Variants in DPP10 observed in about 807,000 individuals in gnomAD.
DPP10 encodes dipeptidyl peptidase like 10.
Under a neutral mutation model 120.9 loss-of-function variants are expected in DPP10, and 33 were observed. The ratio of observed to expected loss-of-function variants is 0.27; its 90% CI spans 0.21 to 0.37. The LOEUF (loss-of-function observed/expected upper bound fraction) is 0.37. Among genes scored for constraint, DPP10 ranks in the 10% least tolerant of loss-of-function variants. The pLI, the probability that DPP10 is intolerant of heterozygous loss-of-function variation, is 1.00. For missense variants in DPP10, 816 were observed against 942.8 expected (o/e 0.87, Z 1.76); for synonymous variants, 337 against 326.1 (o/e 1.03, Z -0.36).
chr2:114,868,960 T>C (rs1690457968), intron 1 of DPP10, among the ~76,000 whole-genome samples: 1 of 152,038 alleles, frequency 6.6e-6, no homozygotes, highest in Admixed American at 6.6e-5. Context: ...AATGCCTACC[T>C]CACAAGGGCA....
intron 1 of DPP10, among the ~76,000 whole-genome samples, chr2:115,180,792 A>T (rs1003112766): frequency 7.2e-5 from 11 of 152,192 alleles, no homozygotes; most frequent in African/African-American, 2.4e-4. Flanking sequence ...GGGCATGAAA[A>T]AATGTCCTTT....
At chr2:114,689,074 TC>T (rs1312687536) in intron 1 of DPP10, among the ~76,000 whole-genome samples, 2 of 151,860 alleles carry the variant, frequency 1.3e-5, no homozygotes, top group Non-Finnish European at 2.9e-5. Context: ...AGTTTTTTTT[TC>T]TTCAACTGTT....
rs1479030548 is a variant in DPP10 at position 114,726,434 on chromosome 2, C to A, written c.60+283596C>A. 1.6e-4 allele frequency among the ~76,000 whole-genome samples: 24 copies of A among 152,100 alleles called. 1 individual carries two copies. Among genetic ancestry groups the A allele is most frequent in the Admixed American group, 1.6e-3 (24 of 15,270 alleles). On this transcript the variant is annotated intron_variant, in intron 1 of 25. Coordinates refer to ENST00000410059, the MANE Select transcript of DPP10 (RefSeq NM_020868.6). Reference sequence around the variant, plus strand: ...CACACTTTTATTCGTTGTGGAATGACACTTTTAATATTTCTTTTGTAGAAG... The same window carrying A: ...CACACTTTTATTCGTTGTGGAATGAAACTTTTAATATTTCTTTTGTAGAAG...
intron 5 of DPP10, among the ~76,000 whole-genome samples, chr2:115,624,901 G>GA (rs2149295066): frequency 6.6e-6 from 1 of 152,090 alleles, no homozygotes; most frequent in African/African-American, 2.4e-5. Context: ...TGATCATAAG[G>GA]AAAAAAGTGG....
intron 1 of DPP10, among the ~76,000 whole-genome samples, chr2:114,935,779 C>A (rs535807657): frequency 1.3e-5 from 2 of 152,022 alleles, no homozygotes; most frequent in African/African-American, 4.8e-5. Flanking sequence ...GAGGATCTAT[C>A]TTTTAAACAA....
chr2:115,049,510 C>G (rs1509745), intron 1 of DPP10, among the ~76,000 whole-genome samples: 147,376 of 152,244 alleles, frequency 0.97, 71,534 homozygotes, highest in Middle Eastern at 1. Flanking sequence ...GTTATGGGAA[C>G]TGAGGCAAGA....
chr2:114,886,975 C>T (rs912424598), intron 1 of DPP10, among the ~76,000 whole-genome samples: 1 of 152,176 alleles, frequency 6.6e-6, no homozygotes, highest in Non-Finnish European at 1.5e-5. Flanking sequence ...ATGTTCTCTC[C>T]ATTAGTGTGA....
chr2:114,998,245 G>C (rs1171135734), intron 1 of DPP10, among the ~76,000 whole-genome samples: 1 of 152,142 alleles, frequency 6.6e-6, no homozygotes. Context: ...GAATAAGTAT[G>C]TTAAAGGACC....
At chr2:115,323,811 T>C (rs1432132738) in intron 2 of DPP10, among the ~76,000 whole-genome samples, 2 of 152,166 alleles carry the variant, frequency 1.3e-5, no homozygotes, top group East Asian at 1.9e-4. Context: ...TAAGTCTCAG[T>C]AGTGGATTTA....
intron 5 of DPP10, among the ~76,000 whole-genome samples, chr2:115,542,674 C>T (rs1203111856): frequency 1.3e-5 from 2 of 150,774 alleles, no homozygotes; most frequent in Non-Finnish European, 3.0e-5. Flanking sequence ...AGAGAGAGCA[C>T]AAGCATTAAG....
chr2:115,377,653 C>T (rs1475104220), intron 3 of DPP10, among the ~76,000 whole-genome samples: 3 of 152,066 alleles, frequency 2.0e-5, no homozygotes, highest in Non-Finnish European at 4.4e-5. Flanking sequence ...ATGGTAATGC[C>T]TAGGTTTTCT....
intron 1 of DPP10, among the ~76,000 whole-genome samples, chr2:115,248,259 A>G (rs1195195513): frequency 2.6e-5 from 4 of 152,164 alleles, no homozygotes; most frequent in South Asian, 2.1e-4. Context: ...GGACTCAAGT[A>G]TGAGTCCCAC....
intron 1 of DPP10, among the ~76,000 whole-genome samples, chr2:115,054,998 T>C (rs144827628): frequency 2.2e-4 from 34 of 152,320 alleles, no homozygotes; most frequent in Middle Eastern, 6.8e-3. Flanking sequence ...TTTATTATAT[T>C]TCTTTCCTCA....
chr2:114,460,609 T>C (rs1005097478), intron 1 of DPP10, among the ~76,000 whole-genome samples: 1 of 152,226 alleles, frequency 6.6e-6, no homozygotes, highest in Non-Finnish European at 1.5e-5. Flanking sequence ...ATGGAAAATA[T>C]AGAATACTGT....
At chr2:114,855,180 T>TA in intron 1 of DPP10, among the ~76,000 whole-genome samples, 1 of 152,152 alleles carries the variant, frequency 6.6e-6, no homozygotes, top group Non-Finnish European at 1.5e-5. Context: ...AGAAACGACA[T>TA]ATTAGAGCAA....
chr2:114,542,048 C>CT (rs761961981), intron 1 of DPP10, among the ~76,000 whole-genome samples: 65,567 of 122,130 alleles, frequency 0.54, 18,707 homozygotes, highest in Non-Finnish European at 0.61. Context: ...TTCTTTCTTT[C>CT]CTTTTTTTTT....
intron 19 of DPP10, among the ~76,000 whole-genome samples, chr2:115,813,724 A>T (rs1686918229): frequency 6.6e-6 from 1 of 152,148 alleles, no homozygotes; most frequent in Non-Finnish European, 1.5e-5. Flanking sequence ...CTGAAAGGTT[A>T]TTTGCTGTAG....
chr2:114,874,237 T>C (rs2106572291), intron 1 of DPP10, among the ~76,000 whole-genome samples: 1 of 152,286 alleles, frequency 6.6e-6, no homozygotes, highest in South Asian at 2.1e-4. Flanking sequence ...CCGTGATCCA[T>C]TTGTGAATAA....
chr2:114,703,516 A>G (rs1700508727), intron 1 of DPP10, among the ~76,000 whole-genome samples: 1 of 152,192 alleles, frequency 6.6e-6, no homozygotes, highest in African/African-American at 2.4e-5. Context: ...TTATATTAAA[A>G]TAAATGGAAG....
Sources: allele counts gnomAD v4.1 joint callset (sites outside exome capture counted in the v4.1 genomes callset), GRCh38; gene constraint gnomAD v4.1.1; transcripts MANE v1.5; gene names NCBI Gene and HGNC (gene_info 2026-07-23, HGNC 2026-07-21).